SVOPL: variants seen among roughly 807,000 people sequenced by gnomAD.
SVOPL encodes putative transporter SVOPL.
In SVOPL, 60 loss-of-function variants were observed where a neutral mutation model predicts 61.0. The observed-to-expected ratio is 0.98, with a 90% CI of 0.80 to 1.22. SVOPL has a LOEUF of 1.22. SVOPL is among the 50% of genes most tolerant of loss of function. SVOPL has a pLI of 0.00. For missense variants in SVOPL, 662 were observed against 643.9 expected, an observed-to-expected ratio of 1.03 and a Z score of -0.30; for synonymous variants, 279 against 250.0, an observed-to-expected ratio of 1.12 and a Z score of -1.09.
intron 3 of SVOPL, 128 bp downstream of exon 3, chr7:138,678,306 A>T (rs1802619518): frequency 1.1e-6 from 1 of 909,310 alleles, no homozygotes; most frequent in Admixed American, 2.9e-5. Context: ...CACCTTGGGC[A>T]CACGTTCTCA....
chr7:138,635,224 A>G (rs113522254), intron 9 of SVOPL, among the ~76,000 whole-genome samples: 2,105 of 151,508 alleles, frequency 0.014, 27 homozygotes, highest in South Asian at 0.029. Context: ...GTGAGCCAAG[A>G]TTGCACCATT....
At chr7:138,677,989 C>A (rs539659760) in intron 3 of SVOPL, among the ~76,000 whole-genome samples, 2 of 152,198 alleles carry the variant, frequency 1.3e-5, no homozygotes, top group Admixed American at 1.3e-4. Context: ...TGGTCTCAAA[C>A]TCCTGACCTC....
chr7:138,597,093 T>C, intron 14 of SVOPL: 1 of 1,229,332 alleles, frequency 8.1e-7, no homozygotes, highest in Non-Finnish European at 1.0e-6. Context: ...TCTGTCCATC[T>C]GTACACATGC....
chr7:138,700,215 C>A (rs1330361892), intron 1 of SVOPL, among the ~76,000 whole-genome samples: 4 of 151,672 alleles, frequency 2.6e-5, no homozygotes, highest in Non-Finnish European at 5.9e-5. Context: ...AAGAAGAGAA[C>A]AACATGTTTG....
At chr7:138,628,408 C>A in intron 10 of SVOPL, 45 bp from the exon 11 acceptor site, 1 of 1,593,588 alleles carries the variant, frequency 6.3e-7, no homozygotes, top group Non-Finnish European at 8.6e-7. Flanking sequence ...TGACACCAGA[C>A]CTGAAGGATG....
chr7:138,693,529 A>AAAAGAAAGAAAGAAAGAAAGAAAG (rs745407235), intron 1 of SVOPL, among the ~76,000 whole-genome samples: 228 of 117,156 alleles, frequency 1.9e-3, no homozygotes, highest in Admixed American at 2.6e-3. Flanking sequence ...AAAAGAAAGA[A>AAAAGAAAGAAAGAAAGAAAGAAAG]AAAGAAAGAA....
intron 1 of SVOPL, among the ~76,000 whole-genome samples, chr7:138,696,055 T>C (rs963947226): frequency 6.6e-6 from 1 of 152,174 alleles, no homozygotes. Context: ...GTGCTAGGAT[T>C]ACATGCGTGG....
In SVOPL at chr7:138,601,450, G is replaced by A. The variant is rs369461864; in HGVS notation, c.1354-4920C>T. Among the ~76,000 whole-genome samples the A allele has an allele frequency of 3.3e-4, 50 of 152,012 alleles. No homozygotes were observed. In the South Asian group the frequency reaches 8.7e-3, roughly 27 times the overall value. ...CTTGAAAAAGGAGGAAATGCCATTTGCAACAACATGAATGAGCCTAGAGGA... is the reference window on the plus strand; with the variant it reads ...CTTGAAAAAGGAGGAAATGCCATTTACAACAACATGAATGAGCCTAGAGGA... On this transcript the variant is annotated intron_variant, in intron 14 of 15. Coordinates refer to ENST00000674285, the MANE Select transcript of SVOPL (RefSeq NM_001139456.2).
At chr7:138,688,965 G>A in intron 1 of SVOPL, 1 of 615,040 alleles carries the variant, frequency 1.6e-6, no homozygotes, top group South Asian at 1.5e-5. Flanking sequence ...TAAGCGGCCT[G>A]AGGTGATCTG....
intron 14 of SVOPL, among the ~76,000 whole-genome samples, chr7:138,597,643 T>TGC (rs767560900): frequency 2.1e-5 from 3 of 145,946 alleles, no homozygotes; most frequent in Non-Finnish European, 4.6e-5. Context: ...AACGTCTGCG[T>TGC]GTGTGTGTGT....
intron 4 of SVOPL, among the ~76,000 whole-genome samples, chr7:138,667,397 T>A (rs142681951): frequency 1.4e-3 from 206 of 152,352 alleles, no homozygotes; most frequent in African/African-American, 4.6e-3. Flanking sequence ...CTAACATCTG[T>A]TAGATTTCAC....
chr7:138,641,802 AATATATATATGTTATATATATAT>A lies in SVOPL; in HGVS notation c.789+2892_789+2914del, dbSNP rs1402716618. Among the ~76,000 whole-genome samples, 3 of 91,820 alleles carry A rather than the reference AATATATATATGTTATATATATAT, an allele frequency of 3.3e-5. No homozygotes were observed. The South Asian group carries it at 1.1e-3, about 34-fold the overall frequency. The allele number at this position is 91,820 out of a possible 152,430, so 60.2% of individuals were successfully genotyped here. A position where few individuals can be genotyped will look rare whatever the true frequency, so the allele number is the denominator to read the frequency against. On this transcript the variant is annotated intron_variant, in intron 9 of 15. Coordinates refer to ENST00000674285, the MANE Select transcript of SVOPL (RefSeq NM_001139456.2). ...AAGAGGCAAAAATCTAGACGTATCA[AATATATATATGTTATATATATAT>A]ATATATATAACATATATATATAACA...
intron 13 of SVOPL, 54 bp from the exon 14 acceptor site, chr7:138,621,189 G>A: frequency 2.0e-6 from 3 of 1,505,480 alleles, no homozygotes; most frequent in South Asian, 2.4e-5. Context: ...CCTTCCCCGA[G>A]CCCTCCTCTT....
intron 14 of SVOPL, among the ~76,000 whole-genome samples, chr7:138,597,510 G>A (rs978812419): frequency 6.6e-6 from 1 of 152,110 alleles, no homozygotes; most frequent in African/African-American, 2.4e-5. Context: ...CACTCACCGT[G>A]CAAACAGAAC....
intron 2 of SVOPL, 109 bp from the exon 3 acceptor site, chr7:138,678,634 G>A (rs1015927983): frequency 3.7e-6 from 4 of 1,068,490 alleles, no homozygotes; most frequent in Admixed American, 4.7e-5. Context: ...AGTTAATACG[G>A]GGGGTCAGTG....
At position 138,630,081 on chromosome 7, in the gene SVOPL, ATATT is replaced by A; in HGVS notation, c.827_830del (p.Lys276IlefsTer46). The A allele has an allele frequency of 6.2e-7, 1 of 1,614,018 alleles. No individual in the cohort carries two copies. The highest frequency in any genetic ancestry group is 1.3e-5 in the African/African-American group (1 of 75,044). On this transcript the variant is annotated frameshift_variant, in exon 10 of 16. Transcript: ENST00000674285. LOFTEE classifies it high-confidence loss of function. Reference sequence around the variant, plus strand: ...CCCAGATCTGTAATGTGGTCCGTAAATATTTAGCATCCAATAGGTCTGCAAATCT... The same window carrying A: ...CCCAGATCTGTAATGTGGTCCGTAAATAGCATCCAATAGGTCTGCAAATCT...
chr7:138,661,022 T>G, intron 5 of SVOPL: 1 of 983,588 alleles, frequency 1.0e-6, no homozygotes, highest in Non-Finnish European at 1.2e-6. Context: ...TTTGTATTTC[T>G]TTTATAAAAT....
intron 14 of SVOPL, among the ~76,000 whole-genome samples, chr7:138,608,978 A>G (rs182684608): frequency 6.6e-6 from 1 of 152,300 alleles, no homozygotes; most frequent in African/African-American, 2.4e-5. Flanking sequence ...ATATATACAC[A>G]CATATTTATG....
chr7:138,650,066 G>A (rs781313649), intron 7 of SVOPL, among the ~76,000 whole-genome samples: 5 of 151,982 alleles, frequency 3.3e-5, no homozygotes, highest in Admixed American at 6.6e-5. Context: ...TCCTGATCTC[G>A]TGATCTGCCC....
Sources: allele counts gnomAD v4.1 joint callset (sites outside exome capture counted in the v4.1 genomes callset), GRCh38; gene constraint gnomAD v4.1.1; transcripts MANE v1.5; gene names NCBI Gene and HGNC (gene_info 2026-07-23, HGNC 2026-07-21).